The following AGTPBP1 variants were observed in gnomAD, a reference collection of about 807,000 sequenced individuals.
AGTPBP1 encodes the protein cytosolic carboxypeptidase 1.
Under a neutral mutation model 143.9 loss-of-function variants are expected in AGTPBP1, and 70 were observed. The ratio of observed to expected loss-of-function variants is 0.49; its 90% CI spans 0.40 to 0.59. The LOEUF is 0.59. AGTPBP1 is among the 20% of genes least tolerant of loss of function. The pLI, the probability that AGTPBP1 is intolerant of heterozygous loss-of-function variation, is 0.00. For missense variants in AGTPBP1, 1,229 were observed against 1,464.5 expected (o/e 0.84, Z 2.62); for synonymous variants, 463 against 500.2 (o/e 0.93, Z 0.99).
chr9:85,589,961 C>A (rs75820720), intron 19 of AGTPBP1, among the ~76,000 whole-genome samples: 1 of 152,064 alleles, frequency 6.6e-6, no homozygotes, highest in Admixed American at 6.5e-5. Flanking sequence ...TGAAGAATCA[C>A]CCTAAGTAGA....
chr9:85,708,018 A>G (rs1262344479), intron 2 of AGTPBP1, among the ~76,000 whole-genome samples: 1 of 152,206 alleles, frequency 6.6e-6, no homozygotes, highest in African/African-American at 2.4e-5. Context: ...CTTATGTAAC[A>G]AAACTGCACA....
Position 85,619,205 on chromosome 9 carries a change from A to C in AGTPBP1, c.2186+10T>G, listed in dbSNP as rs76790177. On this transcript the variant is annotated intron_variant, in intron 16 of 25. Coordinates refer to ENST00000357081, the MANE Select transcript of AGTPBP1 (RefSeq NM_001330701.2). ...GCACATACAAAATGAGAAAATCTTA[A>C]GTGACTTACTTTCTAATTTGAATTA... 2.4e-3 allele frequency: 3,811 copies of C among 1,610,920 alleles called. 71 individuals carry two copies. In the African/African-American group the frequency reaches 0.044, roughly 19 times the overall value.
intron 1 of AGTPBP1, among the ~76,000 whole-genome samples, chr9:85,730,744 A>T (rs115679690): frequency 0.022 from 3,326 of 152,324 alleles, 35 homozygotes; most frequent in South Asian, 0.035. Context: ...ACTCTATCTT[A>T]GTCCTGGGAT....
chr9:85,588,074 C>T (rs1037138765), intron 21 of AGTPBP1, among the ~76,000 whole-genome samples: 6 of 152,086 alleles, frequency 3.9e-5, no homozygotes, highest in Non-Finnish European at 8.8e-5. Context: ...CAGAATAGGG[C>T]ACTAGGCCCT....
intron 8 of AGTPBP1, 81 bp from the exon 9 acceptor site, chr9:85,661,054 C>A: frequency 8.3e-7 from 1 of 1,208,478 alleles, no homozygotes. Flanking sequence ...CAATCTTTTT[C>A]AATAAGTCAT....
At chr9:85,603,089 A>G (rs571083845) in intron 17 of AGTPBP1, among the ~76,000 whole-genome samples, 6 of 152,308 alleles carry the variant, frequency 3.9e-5, no homozygotes, top group Admixed American at 3.3e-4. Context: ...CTAGGTCACA[A>G]GAACTGAAAT....
the AGTPBP1 span, among the ~76,000 whole-genome samples, chr9:85,762,035 G>C: frequency 6.6e-6 from 1 of 152,268 alleles, no homozygotes; most frequent in South Asian, 2.1e-4. Context: ...CATCATCACT[G>C]GTCGTCAGAG....
chr9:85,640,011 T>C (rs1832363121), intron 13 of AGTPBP1, among the ~76,000 whole-genome samples: 2 of 152,152 alleles, frequency 1.3e-5, no homozygotes, highest in South Asian at 2.1e-4. Flanking sequence ...AACAAACACA[T>C]AAAGTAATCT....
chr9:85,801,510 T>C, the AGTPBP1 span, among the ~76,000 whole-genome samples: 3 of 152,006 alleles, frequency 2.0e-5, no homozygotes, highest in South Asian at 6.2e-4. Context: ...AGAGCTAGCA[T>C]CTGTAGATGT....
intron 17 of AGTPBP1, among the ~76,000 whole-genome samples, chr9:85,602,150 A>C (rs1242368739): frequency 6.6e-6 from 1 of 152,246 alleles, no homozygotes; most frequent in African/African-American, 2.4e-5. Context: ...GATTCCAACG[A>C]GAAAGAAATA....
At position 85,546,544 on chromosome 9, in the gene AGTPBP1, C is replaced by T. The variant is rs1324064386; in HGVS notation, c.*565G>A. Reference sequence around the variant, plus strand: ...AAAGAAGATGACAAAATGAATGCAACATTTAATACAGTTTTTATTTGTTTA... The same window carrying T: ...AAAGAAGATGACAAAATGAATGCAATATTTAATACAGTTTTTATTTGTTTA... On this transcript the variant is annotated 3_prime_UTR_variant, in exon 26 of 26. Transcript: ENST00000357081. 3 of 152,176 alleles carry T rather than the reference C, an allele frequency of 2.0e-5. No individual in the cohort carries two copies. The highest frequency in any genetic ancestry group is 7.2e-5 in the African/African-American group (3 of 41,442). 9.4% of individuals were successfully genotyped at this position (152,176 alleles called of 1,614,324 possible).
intron 1 of AGTPBP1, among the ~76,000 whole-genome samples, chr9:85,717,674 TC>T (rs1438487455): frequency 2.0e-5 from 3 of 149,934 alleles, no homozygotes; most frequent in African/African-American, 7.4e-5. Context: ...GGGATGAGTA[TC>T]CTTTTTTTTT....
In AGTPBP1 at chr9:85,586,903, C is replaced by T. The variant is rs751831272; in HGVS notation, c.2961G>A (p.Pro987=). 78 of 1,613,894 alleles carry T rather than the reference C, an allele frequency of 4.8e-5. No homozygotes were observed. In the Admixed American group the frequency reaches 8.8e-4, roughly 18 times the overall value. The part of the protein sequence containing the change: ...DLNRQWQSPS[P]DLHPTIYHAK... The stretch of plus-strand genomic sequence containing the variant: ...CATGGTAAATTGTAGGATGTAAATC[C>T]GGACTTGGACTTTGCCACTGCCTAT... The change falls in exon 22 of 26, where the codon CCG becomes CCA. Residue 987 remains proline, a synonymous_variant. Transcript: ENST00000357081.
intron 25 of AGTPBP1, among the ~76,000 whole-genome samples, chr9:85,562,378 TTAAATA>T (rs1687551781): frequency 6.6e-6 from 1 of 152,174 alleles, no homozygotes; most frequent in Non-Finnish European, 1.5e-5. Context: ...AAAGACATAT[TTAAATA>T]TAAAGACACA....
At chr9:85,580,378 A>AT (rs1242468699) in intron 23 of AGTPBP1, among the ~76,000 whole-genome samples, 1 of 150,998 alleles carries the variant, frequency 6.6e-6, no homozygotes, top group Non-Finnish European at 1.5e-5. Context: ...GCTTAGAAAG[A>AT]TTTTTTTTCA....
chr9:85,774,489 A>G, the AGTPBP1 span, among the ~76,000 whole-genome samples: 1 of 152,182 alleles, frequency 6.6e-6, no homozygotes, highest in African/African-American at 2.4e-5. Context: ...ATAAAATTTT[A>G]TGCATTAAAG....
the AGTPBP1 span, among the ~76,000 whole-genome samples, chr9:85,797,486 G>T: frequency 2.6e-5 from 4 of 152,088 alleles, no homozygotes; most frequent in Non-Finnish European, 5.9e-5. Flanking sequence ...TGTTCAAAAG[G>T]TTCAGACATA....
chr9:85,662,580 A>T (rs1407598180), intron 8 of AGTPBP1, among the ~76,000 whole-genome samples: 1 of 152,112 alleles, frequency 6.6e-6, no homozygotes, highest in Non-Finnish European at 1.5e-5. Context: ...TATAAAAACT[A>T]AAATGGAAAA....
chr9:85,801,694 T>A, the AGTPBP1 span, among the ~76,000 whole-genome samples: 1 of 152,284 alleles, frequency 6.6e-6, no homozygotes, highest in East Asian at 1.9e-4. Flanking sequence ...AGAGAAGCAA[T>A]TAGAAATCTC....
Sources: gnomAD v4.1 joint callset for allele counts (sites outside exome capture counted in the v4.1 genomes callset) on GRCh38, gnomAD v4.1.1 for gene constraint, MANE v1.5 for transcripts, NCBI Gene and HGNC (gene_info 2026-07-23, HGNC 2026-07-21) for gene names.